TNRC6A: variants seen among roughly 807,000 people sequenced by gnomAD.
The protein encoded by TNRC6A is trinucleotide repeat-containing gene 6A protein.
A neutral mutation model predicts 221.2 loss-of-function variants in TNRC6A; 44 were observed. The observed-to-expected ratio is 0.20, with a 90% CI of 0.16 to 0.26. TNRC6A has a LOEUF of 0.26. Among genes scored for constraint, TNRC6A ranks in the 10% least tolerant of loss-of-function variants. The probability of loss-of-function intolerance (pLI) is 1.00; values close to 1 mark genes in which losing one functional copy is unlikely to be tolerated. For synonymous variants in TNRC6A, 847 were observed against 838.5 expected (o/e 1.01, Z -0.18); for missense variants, 2,199 against 2,404.4 (o/e 0.91, Z 1.79).
intron 18 of TNRC6A, among the ~76,000 whole-genome samples, chr16:24,812,636 C>T (rs2058570233): frequency 1.3e-5 from 2 of 152,168 alleles, no homozygotes; most frequent in South Asian, 4.1e-4. Flanking sequence ...CAGTAACACA[C>T]TGTAGGTTTG....
At chr16:24,787,092 T>C (rs2057989701) in intron 5 of TNRC6A, among the ~76,000 whole-genome samples, 1 of 152,212 alleles carries the variant, frequency 6.6e-6, no homozygotes, top group Non-Finnish European at 1.5e-5. Flanking sequence ...CCAAGCATTC[T>C]GGCTACCCAA....
chr16:24,666,041 A>C (rs1296605243), intron 2 of TNRC6A, among the ~76,000 whole-genome samples: 1 of 152,152 alleles, frequency 6.6e-6, no homozygotes, highest in Non-Finnish European at 1.5e-5. Context: ...CAAGAGAATA[A>C]GTGTGCCAGG....
chr16:24,809,389 G>A lies in TNRC6A; in HGVS notation c.4580G>A (p.Ser1527Asn), dbSNP rs886227819. 2 of 1,594,468 alleles carry A rather than the reference G, an allele frequency of 1.3e-6. No homozygotes were observed. Among genetic ancestry groups the A allele is most frequent in the African/African-American group, 1.3e-5 (1 of 74,224 alleles). ...SNLNVNMDMN[S>N]IKEPQSRLRK... The stretch of plus-strand genomic sequence containing the variant: ...TTGAATGTAAATATGGATATGAACA[G>A]TATTAAAGAGCCACAGTCAAGACTA... Residue 1527 changes from serine to asparagine, a missense_variant, in exon 18 of 25, where the codon AGT (serine) becomes AAT (asparagine). Transcript: ENST00000395799.
At chr16:24,639,478 G>T (rs1901817417) in intron 1 of TNRC6A, among the ~76,000 whole-genome samples, 1 of 151,876 alleles carries the variant, frequency 6.6e-6, no homozygotes, top group Non-Finnish European at 1.5e-5. Context: ...GGGCAACAGA[G>T]CAAGACCCTC....
rs1475049673 is a variant in TNRC6A, at chr16:24,790,540, A to G, written c.1898A>G (p.Asn633Ser). The stretch of plus-strand genomic sequence containing the variant: ...CATTCCAATGATAGTGCAAATGGCA[A>G]TGGTAAGACGTTTACAAATGGATGG... ...NQHSNDSANG[N>S]GKTFTNGWKS... The change falls in exon 6 of 25, where the codon AAT (asparagine) becomes AGT (serine). Residue 633 changes from asparagine (N) to serine (S), a missense_variant. By Grantham distance (46) the Asn-to-Ser change is conservative. Transcript: ENST00000395799. 10 of 1,614,254 alleles carry G rather than the reference A, an allele frequency of 6.2e-6. No homozygotes were observed. The highest frequency in any genetic ancestry group is 8.5e-6 in the Non-Finnish European group (10 of 1,180,048).
chr16:24,752,644 T>C (rs2057164287), intron 3 of TNRC6A, among the ~76,000 whole-genome samples: 1 of 152,216 alleles, frequency 6.6e-6, no homozygotes, highest in Non-Finnish European at 1.5e-5. Flanking sequence ...TCTGTAAGTC[T>C]GAGGTTGGGG....
intron 2 of TNRC6A, among the ~76,000 whole-genome samples, chr16:24,644,681 A>G (rs1902183876): frequency 6.6e-6 from 1 of 151,872 alleles, no homozygotes; most frequent in Admixed American, 6.6e-5. Flanking sequence ...TCAAACTCCT[A>G]GTCTCAAGCA....
chr16:24,653,978 C>T (rs1214726680), intron 2 of TNRC6A, among the ~76,000 whole-genome samples: 1 of 152,126 alleles, frequency 6.6e-6, no homozygotes, highest in Non-Finnish European at 1.5e-5. Context: ...AATCATAGCC[C>T]ACTGCAGCAT....
intron 1 of TNRC6A, among the ~76,000 whole-genome samples, chr16:24,636,479 TC>T (rs1351481768): frequency 6.6e-6 from 1 of 151,840 alleles, no homozygotes; most frequent in Non-Finnish European, 1.5e-5. Context: ...CAAGAGATCC[TC>T]CCATCTTATG....
intron 2 of TNRC6A, among the ~76,000 whole-genome samples, chr16:24,748,955 A>G (rs969029737): frequency 2.0e-5 from 3 of 151,986 alleles, no homozygotes; most frequent in African/African-American, 7.3e-5. Flanking sequence ...GCTCACTGCA[A>G]GCTCCACCTC....
Position 24,806,641 on chromosome 16 carries a change from T to G in TNRC6A, c.4397T>G (p.Val1466Gly). The G allele has an allele frequency of 6.2e-7, 1 of 1,614,182 alleles. No homozygotes were observed. Among genetic ancestry groups the G allele is most frequent in the Non-Finnish European group, 8.5e-7 (1 of 1,180,036 alleles). Residue 1466 changes from valine to glycine, a missense_variant, in exon 17 of 25, where the codon GTG (valine) becomes GGG (glycine). By Grantham distance (109) the Val-to-Gly change is moderately radical. Around this residue, in one of 8 missense-constraint regions of TNRC6A, gnomAD observed 449 missense variants for 579.7 expected, o/e 0.77. Transcript: ENST00000395799. ...QSRQLDPNLL[V>G]KQQTPPSQQQ... ...CGTCAACTTGATCCAAACCTGTTGG[T>G]GAAGCAGCAGACTCCACCATCTCAG...
At position 24,688,099 on chromosome 16, in the gene TNRC6A, A is replaced by ATT. The variant is rs368284938; in HGVS notation, n.402+47102_402+47103dup. Among the ~76,000 whole-genome samples, 735 of 143,480 alleles carry ATT rather than the reference A, an allele frequency of 5.1e-3. 8 individuals carry two copies. Among genetic ancestry groups the ATT allele is most frequent in the African/African-American group, 0.017 (665 of 39,356 alleles). The allele number at this position is 143,480 out of a possible 152,430, so 94.1% of individuals were successfully genotyped here. A position where few individuals can be genotyped will look rare whatever the true frequency, so the allele number is the denominator to read the frequency against. On this transcript the variant is annotated intron_variant and non_coding_transcript_variant, in intron 2 of 2. Coordinates refer to the TNRC6A transcript ENST00000566108. ...AGGTGTCCACCACCATGCCCTGCTA[A>ATT]TTTTTTTTTTTTTGTATTTTTAGTA...
chr16:24,688,246 G>A (rs2055683104), intron 2 of TNRC6A, among the ~76,000 whole-genome samples: 1 of 151,972 alleles, frequency 6.6e-6, no homozygotes, highest in Admixed American at 6.6e-5. Context: ...GCCTGGACAT[G>A]CTTCTTTTCT....
At chr16:24,661,276 G>A (rs1032288573) in intron 2 of TNRC6A, 4 of 151,772 alleles carry the variant, frequency 2.6e-5, no homozygotes, top group African/African-American at 7.3e-5. Context: ...AATATCACTG[G>A]GTAAGGTATG....
At chr16:24,629,032 T>TA (rs766365145) in intron 1 of TNRC6A, among the ~76,000 whole-genome samples, 2 of 152,204 alleles carry the variant, frequency 1.3e-5, no homozygotes, top group Non-Finnish European at 2.9e-5. Flanking sequence ...ATGCAATTTA[T>TA]TAAAGTTGTA....
chr16:24,687,843 G>GGAAGAATAAGAAGAAGAAGAA (rs2055661473), intron 2 of TNRC6A, among the ~76,000 whole-genome samples: 1 of 101,856 alleles, frequency 9.8e-6, no homozygotes, highest in African/African-American at 3.4e-5. Context: ...AAGAGGAAGA[G>GGAAGAATAAGAAGAAGAAGAA]GAAGAAGAAG....
intron 1 of TNRC6A, among the ~76,000 whole-genome samples, chr16:24,617,821 T>A (rs1900448133): frequency 6.6e-6 from 1 of 152,234 alleles, no homozygotes; most frequent in South Asian, 2.1e-4. Flanking sequence ...GGGCATCCTA[T>A]CCCCTGCACA....
chr16:24,758,723 A>G (rs902648232), intron 4 of TNRC6A, among the ~76,000 whole-genome samples: 13 of 152,044 alleles, frequency 8.6e-5, no homozygotes, highest in Admixed American at 2.6e-4. Flanking sequence ...TGTATCCCTT[A>G]AGAGTTCTGC....
intron 2 of TNRC6A, among the ~76,000 whole-genome samples, chr16:24,654,268 AG>A (rs1245003601): frequency 6.6e-6 from 1 of 152,238 alleles, no homozygotes; most frequent in African/African-American, 2.4e-5. Context: ...ATATATTGCT[AG>A]GCAGAGCAGC....
Sources: gnomAD v4.1 joint callset for allele counts (sites outside exome capture counted in the v4.1 genomes callset) on GRCh38, gnomAD v4.1.1 for gene constraint, gnomAD v4.1.1 regional missense constraint, MANE v1.5 for transcripts, NCBI Gene and HGNC (gene_info 2026-07-23, HGNC 2026-07-21) for gene names.